The following MTOR variants were observed in gnomAD, a reference collection of about 807,000 sequenced individuals.
MTOR encodes mechanistic target of rapamycin kinase.
In MTOR, 70 loss-of-function variants were observed where a neutral mutation model predicts 319.8. The ratio of observed to expected loss-of-function variants is 0.22; its 90% CI spans 0.18 to 0.27. MTOR has a LOEUF of 0.27. Among genes scored for constraint, MTOR ranks in the 10% least tolerant of loss-of-function variants. The probability of loss-of-function intolerance (pLI) is 1.00; values close to 1 mark genes in which losing one functional copy is unlikely to be tolerated. For synonymous variants in MTOR, 1,183 were observed against 1,211.4 expected (o/e 0.98, Z 0.49); for missense variants, 1,890 against 3,274.4 (o/e 0.58, Z 10.32).
At chr1:11,118,130 A>G (rs1437431478) in intron 49 of MTOR, among the ~76,000 whole-genome samples, 5 of 152,052 alleles carry the variant, frequency 3.3e-5, no homozygotes, top group Admixed American at 3.3e-4. Context: ...AAAATCTTCT[A>G]AATAGCAGGG....
intron 39 of MTOR, 97 bp downstream of exon 39, chr1:11,130,432 A>T (rs973558056): frequency 6.5e-7 from 1 of 1,537,270 alleles, no homozygotes; most frequent in African/African-American, 1.4e-5. Context: ...GGCACTTCAG[A>T]TACAGCCTCA....
chr1:11,170,183 C>T (rs1644768324), intron 28 of MTOR, among the ~76,000 whole-genome samples: 1 of 152,036 alleles, frequency 6.6e-6, no homozygotes, highest in Non-Finnish European at 1.5e-5. Flanking sequence ...CTTAGGAAGC[C>T]CTATATGAGG....
intron 20 of MTOR, 137 bp from the exon 21 acceptor site, chr1:11,213,703 T>C (rs1291411971): frequency 2.6e-6 from 2 of 760,414 alleles, no homozygotes; most frequent in Non-Finnish European, 4.3e-6. Flanking sequence ...ACTCCCCTCC[T>C]CCCACTGGGC....
intron 5 of MTOR, among the ~76,000 whole-genome samples, chr1:11,254,600 T>TA (rs5772446): frequency 0.61 from 92,927 of 151,880 alleles, 31,488 homozygotes; most frequent in East Asian, 0.87. Flanking sequence ...TCAGAGCTCT[T>TA]TTTCTAATAT....
chr1:11,110,166 G>C (rs1290280718), intron 54 of MTOR, among the ~76,000 whole-genome samples: 1 of 152,162 alleles, frequency 6.6e-6, no homozygotes, highest in East Asian at 1.9e-4. Flanking sequence ...GACAAAATGT[G>C]TTTGGACAAA....
At chr1:11,245,988 A>G (rs1648760646) in intron 8 of MTOR, among the ~76,000 whole-genome samples, 1 of 152,232 alleles carries the variant, frequency 6.6e-6, no homozygotes, top group Admixed American at 6.5e-5. Context: ...TAGAGATTCT[A>G]GTTCAGTCTT....
At chr1:11,221,290 C>T (rs1380998737) in intron 19 of MTOR, among the ~76,000 whole-genome samples, 1 of 152,076 alleles carries the variant, frequency 6.6e-6, no homozygotes, top group African/African-American at 2.4e-5. Context: ...CCACCACGCT[C>T]AGCCTAAATT....
Position 11,204,651 on chromosome 1 carries a change from C to T in MTOR, c.3854G>A (p.Arg1285Lys). The part of the protein sequence containing the change: ...VSKDDWLEWL[R>K]RLSLELLKDS... Reference sequence around the variant, plus strand: ...CTTCAGCAGCTCCAGGCTCAGCCGTCTCAGCCATTCCAGCCAGTCATCTTT... The same window carrying T: ...CTTCAGCAGCTCCAGGCTCAGCCGTTTCAGCCATTCCAGCCAGTCATCTTT... Residue 1285 changes from arginine (R) to lysine (K), a missense_variant, in exon 26 of 58, where the codon AGA (arginine) becomes AAA (lysine). Coordinates refer to ENST00000361445, the MANE Select transcript of MTOR (RefSeq NM_004958.4). The T allele has an allele frequency of 6.2e-7, 1 of 1,614,218 alleles. No homozygotes were observed. The highest frequency in any genetic ancestry group is 8.5e-7 in the Non-Finnish European group (1 of 1,180,038).
rs1650372256 is a variant in MTOR at position 11,256,199 on chromosome 1, A to G, written c.505-7T>C. 2 of 1,612,066 alleles carry G rather than the reference A, an allele frequency of 1.2e-6. No individual in the cohort carries two copies. Among genetic ancestry groups the G allele is most frequent in the Admixed American group, 1.7e-5 (1 of 59,586 alleles). On this transcript the variant is annotated splice_polypyrimidine_tract_variant and splice_region_variant and intron_variant, in intron 4 of 57. Transcript: ENST00000361445. Reference sequence around the variant, plus strand: ...GCTCACGGAGAACCAGGACCTGGAGAAAAAAGCAAACCGAGAACTCTCATT... The same window carrying G: ...GCTCACGGAGAACCAGGACCTGGAGGAAAAAGCAAACCGAGAACTCTCATT...
chr1:11,167,596 G>T, intron 28 of MTOR, 79 bp from the exon 29 acceptor site: 1 of 1,047,654 alleles, frequency 9.5e-7, no homozygotes, highest in Non-Finnish European at 1.5e-6. Context: ...GTGGGCAGAT[G>T]GTTCACCAGC....
At position 11,150,884 on chromosome 1, in the gene MTOR, T is replaced by A. The variant is rs115808890; in HGVS notation, c.4470-658A>T. Among the ~76,000 whole-genome samples the A allele has an allele frequency of 4.1e-3, 628 of 152,226 alleles. 10 individuals carry two copies. Among genetic ancestry groups the A allele is most frequent in the African/African-American group, 0.014 (591 of 41,538 alleles). On this transcript the variant is annotated intron_variant, in intron 30 of 57. Transcript: ENST00000361445. ...GGGTCTTGCTATTGACTGTTGAAAC[T>A]CCCTCTCATGTTTCGCTTCTCAGTG...
At chr1:11,175,438 T>A (rs1028233318) in intron 28 of MTOR, among the ~76,000 whole-genome samples, 1 of 152,228 alleles carries the variant, frequency 6.6e-6, no homozygotes, top group Non-Finnish European at 1.5e-5. Context: ...GAGTTTTGAA[T>A]TGAGCTGGGA....
rs779753227 is a variant in MTOR at position 11,199,291 on chromosome 1, C to A, written c.4220G>T (p.Gly1407Val). ...LHYKELEFQK[G>V]PTPAILESLI... is the part of the protein sequence containing the mutation. ...AGATTCTAGAATGGCAGGGGTGGGG[C>A]CTTTCTGGAACTCCAGTTCTTTGTA... The change falls in exon 28 of 58, where the codon GGC becomes GTC. Residue 1407 changes from glycine (G) to valine (V), a missense_variant. Gly to Val is a moderately radical substitution (Grantham distance 109). This residue lies in a region of MTOR where 45 missense variants were observed against 107.2 expected (regional missense o/e 0.42). Coordinates refer to ENST00000361445, the MANE Select transcript of MTOR (RefSeq NM_004958.4). The surrounding 1 kb of genome is among the most constrained non-coding windows in gnomAD (Gnocchi z 4.5). 1 of 1,614,062 alleles carries A rather than the reference C, an allele frequency of 6.2e-7. No individual in the cohort carries two copies. Among genetic ancestry groups the A allele is most frequent in the Non-Finnish European group, 8.5e-7 (1 of 1,179,996 alleles).
chr1:11,259,562 G>T, intron 1 of MTOR, 139 bp from the exon 2 acceptor site: 2 of 904,588 alleles, frequency 2.2e-6, no homozygotes, highest in Non-Finnish European at 3.2e-6. Flanking sequence ...AGATCTGATT[G>T]AGGAACATTT....
intron 28 of MTOR, chr1:11,194,368 T>C: frequency 8.5e-7 from 1 of 1,176,474 alleles, no homozygotes; most frequent in African/African-American, 1.5e-5. Flanking sequence ...TAAAAAGATG[T>C]TTGGCTATGG....
chr1:11,149,455 C>T (rs556871540), intron 31 of MTOR: 1 of 152,240 alleles, frequency 6.6e-6, no homozygotes, highest in Non-Finnish European at 1.5e-5. Flanking sequence ...AGGACAGAAG[C>T]TTCTGCACTC....
intron 49 of MTOR, among the ~76,000 whole-genome samples, chr1:11,120,080 T>C (rs1642430014): frequency 6.7e-6 from 1 of 149,066 alleles, no homozygotes; most frequent in Admixed American, 6.7e-5. Flanking sequence ...TATATATATA[T>C]ATATAAAATT....
chr1:11,117,900 T>TA (rs1292730415), intron 49 of MTOR, among the ~76,000 whole-genome samples: 3 of 151,942 alleles, frequency 2.0e-5, no homozygotes, highest in Non-Finnish European at 4.4e-5. Context: ...ACCAACATGG[T>TA]GAAATCCCGT....
At chr1:11,194,356 T>C in intron 28 of MTOR, 1 of 1,047,944 alleles carries the variant, frequency 9.5e-7, no homozygotes. Context: ...GATTCACACC[T>C]ATAAAAAGAT....
Sources: allele counts gnomAD v4.1 joint callset (sites outside exome capture counted in the v4.1 genomes callset), GRCh38; gene constraint gnomAD v4.1.1; regional missense constraint gnomAD v4.1.1; non-coding constraint Gnocchi (gnomAD v3.1); transcripts MANE v1.5; gene names NCBI Gene and HGNC (gene_info 2026-07-23, HGNC 2026-07-21).